NSD2: variants seen among roughly 807,000 people sequenced by gnomAD.
NSD2 encodes the protein histone-lysine N-methyltransferase NSD2.
In NSD2, 12 loss-of-function variants were observed where a neutral mutation model predicts 139.0. The ratio of observed to expected loss-of-function variants is 0.09; its 90% CI spans 0.06 to 0.14. NSD2 has a LOEUF of 0.14. Ranked by LOEUF, NSD2 falls within the 10% of genes least tolerant of loss-of-function variation. NSD2 has a pLI of 1.00. For synonymous variants in NSD2, 669 were observed against 648.7 expected (o/e 1.03, Z -0.48); for missense variants, 1,155 against 1,745.0 (o/e 0.66, Z 6.02).
intron 5 of NSD2, among the ~76,000 whole-genome samples, chr4:1,926,625 C>T (rs1720951044): frequency 6.6e-6 from 1 of 151,980 alleles, no homozygotes; most frequent in South Asian, 2.1e-4. Context: ...TGCACGCCAC[C>T]ACACCCAGCT....
intron 1 of NSD2, among the ~76,000 whole-genome samples, chr4:1,876,682 C>A (rs962129886): frequency 1.3e-5 from 2 of 151,830 alleles, no homozygotes; most frequent in African/African-American, 2.4e-5. Flanking sequence ...TAGCACAACC[C>A]TCTCTCAAAA....
At chr4:1,926,156 T>TC (rs1720884740) in intron 5 of NSD2, among the ~76,000 whole-genome samples, 1 of 150,048 alleles carries the variant, frequency 6.7e-6, no homozygotes, top group Admixed American at 6.7e-5. Context: ...CTGAATTTTT[T>TC]TTTTTTTTTT....
Position 1,980,090 on chromosome 4 carries a change from C to T in NSD2, c.*1181C>T, listed in dbSNP as rs921154592. The stretch of plus-strand genomic sequence containing the variant: ...CTGCCAGGGCACCTACTGAGAGGTG[C>T]GGTCCTGGGGGTGGAGGCCTGCCTG... On this transcript the variant is annotated 3_prime_UTR_variant, in exon 22 of 22. Transcript: ENST00000508803. The T allele has an allele frequency of 2.6e-5, 6 of 233,204 alleles. No homozygotes were observed. The highest frequency in any genetic ancestry group is 6.0e-5 in the East Asian group (1 of 16,586). 14.4% of individuals were successfully genotyped at this position (233,204 alleles called of 1,614,324 possible). A position where few individuals can be genotyped will look rare whatever the true frequency, so the allele number is the denominator to read the frequency against.
At position 1,981,227 on chromosome 4, in the gene NSD2, G is replaced by C; in HGVS notation, c.*2318G>C. ...TTTCCAAAAACTGTTAAACTAATGA[G>C]CAAGTAACACTAACTTTGAATGTCT... On this transcript the variant is annotated 3_prime_UTR_variant, in exon 22 of 22. Transcript: ENST00000508803. 4.3e-6 allele frequency: 1 copy of C among 233,286 alleles called. No homozygotes were observed. Among genetic ancestry groups the C allele is most frequent in the Non-Finnish European group, 8.5e-6 (1 of 118,048 alleles). 14.5% of individuals were successfully genotyped at this position (233,286 alleles called of 1,614,324 possible).
At chr4:1,886,601 G>A (rs1438576633) in intron 1 of NSD2, among the ~76,000 whole-genome samples, 3 of 152,126 alleles carry the variant, frequency 2.0e-5, no homozygotes, top group Non-Finnish European at 2.9e-5. Flanking sequence ...GGAGGCCGAG[G>A]CGGGCAGATC....
chr4:1,930,152 C>G (rs897200248), intron 5 of NSD2, among the ~76,000 whole-genome samples: 1 of 152,046 alleles, frequency 6.6e-6, no homozygotes, highest in Admixed American at 6.6e-5. Flanking sequence ...GAAGCCAGCT[C>G]GCACTCCTTG....
At chr4:1,898,139 T>C (rs79402980) in intron 1 of NSD2, among the ~76,000 whole-genome samples, 6,934 of 151,968 alleles carry the variant, frequency 0.046, 523 homozygotes, top group African/African-American at 0.16. Flanking sequence ...CAGGTTGGAG[T>C]GCAGTAGTGC....
chr4:1,931,924 T>G (rs1190965091), intron 6 of NSD2, among the ~76,000 whole-genome samples: 1 of 152,210 alleles, frequency 6.6e-6, no homozygotes, highest in Non-Finnish European at 1.5e-5. Flanking sequence ...TGAAGCCAGA[T>G]TCAGCTTACC....
intron 3 of NSD2, among the ~76,000 whole-genome samples, chr4:1,905,678 G>T (rs980964052): frequency 3.9e-5 from 6 of 152,216 alleles, no homozygotes; most frequent in African/African-American, 1.2e-4. Flanking sequence ...GGACTCTGCC[G>T]AGTCCTGGGT....
In NSD2 at chr4:1,972,366, G is replaced by A. The variant is rs1403784165; in HGVS notation, c.3373-2497G>A. The stretch of plus-strand genomic sequence containing the variant: ...CCCAGTGCAAGCTCGTTGTAGGTGC[G>A]ATAAAAATAGCAAAAACGTTTAAAT... On this transcript the variant is annotated intron_variant, in intron 18 of 21. Transcript: ENST00000508803. The surrounding 1 kb of genome is among the most constrained non-coding windows in gnomAD (Gnocchi z 4.0). Among the ~76,000 whole-genome samples, 3 of 152,182 alleles carry A rather than the reference G, an allele frequency of 2.0e-5. No homozygotes were observed. Among genetic ancestry groups the A allele is most frequent in the South Asian group, 2.1e-4 (1 of 4,834 alleles).
At chr4:1,952,730 T>A (rs1451648317) in intron 11 of NSD2, 1 of 1,077,016 alleles carries the variant, frequency 9.3e-7, no homozygotes, top group East Asian at 6.8e-5. Context: ...GCTGTTGTTC[T>A]GCCTCCATGT....
chr4:1,910,141 T>C (rs958231448), intron 3 of NSD2, among the ~76,000 whole-genome samples: 1 of 152,198 alleles, frequency 6.6e-6, no homozygotes, highest in East Asian at 1.9e-4. Context: ...AATGAAAGTC[T>C]TAATAGCATT....
chr4:1,924,714 C>G (rs1196616473), intron 5 of NSD2, among the ~76,000 whole-genome samples: 1 of 151,108 alleles, frequency 6.6e-6, no homozygotes, highest in Non-Finnish European at 1.5e-5. Flanking sequence ...AGTTTGAGAA[C>G]AGCCTGGGCA....
At chr4:1,932,840 G>T (rs1721828535) in intron 6 of NSD2, among the ~76,000 whole-genome samples, 1 of 152,352 alleles carries the variant, frequency 6.6e-6, no homozygotes, top group South Asian at 2.1e-4. Context: ...ATGGAGAGGT[G>T]CTCAGGAGGT....
intron 1 of NSD2, among the ~76,000 whole-genome samples, chr4:1,873,696 T>C (rs972671560): frequency 1.3e-5 from 2 of 152,232 alleles, no homozygotes; most frequent in African/African-American, 4.8e-5. Flanking sequence ...CATGGCAGAA[T>C]GTGAACTTTT....
At chr4:1,918,039 C>T in intron 4 of NSD2, 102 bp from the exon 5 acceptor site, 1 of 1,404,614 alleles carries the variant, frequency 7.1e-7, no homozygotes, top group Non-Finnish European at 9.5e-7. Flanking sequence ...CCTTGACACC[C>T]ATAAGTGCTG....
intron 1 of NSD2, among the ~76,000 whole-genome samples, chr4:1,878,134 C>T (rs1198950339): frequency 6.7e-6 from 1 of 149,662 alleles, no homozygotes; most frequent in Non-Finnish European, 1.5e-5. Flanking sequence ...AATCTAGGCT[C>T]ACCACAACCT....
At position 1,980,026 on chromosome 4, in the gene NSD2, G is replaced by C. The variant is rs1170271226; in HGVS notation, c.*1117G>C. ...TCCATCTCAGCACTCTGTGGGTCTG[G>C]TGATGGAAGATGCAGTCTCTGCTGA... is the stretch of plus-strand genomic sequence containing the variant. On this transcript the variant is annotated 3_prime_UTR_variant, in exon 22 of 22. Transcript: ENST00000508803. 4.3e-6 allele frequency: 1 copy of C among 232,960 alleles called. No homozygotes were observed. The highest frequency in any genetic ancestry group is 2.2e-5 in the African/African-American group (1 of 45,326). The allele number at this position is 232,960 out of a possible 1,614,324, so 14.4% of individuals were successfully genotyped here.
intron 9 of NSD2, chr4:1,940,913 C>T (rs1364411360): frequency 9.5e-7 from 1 of 1,057,254 alleles, no homozygotes. Context: ...GCGACCACTC[C>T]TCCGAGTGGG....
Sources: gnomAD v4.1 joint callset for allele counts (sites outside exome capture counted in the v4.1 genomes callset) on GRCh38, gnomAD v4.1.1 for gene constraint, Gnocchi (gnomAD v3.1) non-coding constraint, MANE v1.5 for transcripts, NCBI Gene and HGNC (gene_info 2026-07-23, HGNC 2026-07-21) for gene names.